The following OOSP4B variants were observed in gnomAD, a reference collection of about 807,000 sequenced individuals.
OOSP4B encodes the protein oocyte secreted protein family member 4B, also known as oocyte-secreted protein 4B.
rs114282858 is a variant in OOSP4B, at chr11:60,029,266, G to A, written c.303-516G>A. ...TGCAGGGAAGGAAAGAGCAGCAGTG[G>A]GAATAAACACTACAACTCCTAAGAT... On this transcript the variant is annotated intron_variant, in intron 3 of 4. Coordinates refer to ENST00000642343, the Ensembl canonical transcript of OOSP4B. Among the ~76,000 whole-genome samples, 241 of 152,276 alleles carry A rather than the reference G, an allele frequency of 1.6e-3. 1 individual carries two copies. The highest frequency in any genetic ancestry group is 5.6e-3 in the African/African-American group (234 of 41,556).
chr11:60,022,386 C>T (rs1854700169), intron 1 of OOSP4B: 2 of 152,178 alleles, frequency 1.3e-5, no homozygotes, highest in Non-Finnish European at 1.5e-5. Flanking sequence ...ACTGTATTTA[C>T]TATCAGTATC....
At chr11:60,029,142 G>A (rs1013265212) in intron 3 of OOSP4B, among the ~76,000 whole-genome samples, 1 of 152,174 alleles carries the variant, frequency 6.6e-6, no homozygotes, top group South Asian at 2.1e-4. Flanking sequence ...TGAGATTTTA[G>A]CCTCCCTTTA....
chr11:60,020,764 A>G (rs897480462), intron 1 of OOSP4B, among the ~76,000 whole-genome samples: 2 of 152,352 alleles, frequency 1.3e-5, no homozygotes, highest in South Asian at 2.1e-4. Context: ...GGCTGCCAGC[A>G]CGCTGTCACC....
rs900871652 is a variant in OOSP4B, at chr11:60,020,254, C to T, written c.22+2841C>T. 2.4e-4 allele frequency among the ~76,000 whole-genome samples: 36 copies of T among 152,214 alleles called. 1 individual carries two copies. The highest frequency in any genetic ancestry group is 4.3e-4 in the Non-Finnish European group (29 of 68,036). ...CTGCCTGCCAGTCCCATGCAGTGTG[C>T]CCGCACTCCTCAGCCCTTGGATGGT... On this transcript the variant is annotated intron_variant, in intron 1 of 4. Transcript: ENST00000642343.
chr11:60,023,154 G>T (rs1046268594), intron 1 of OOSP4B, among the ~76,000 whole-genome samples: 1 of 152,070 alleles, frequency 6.6e-6, no homozygotes, highest in African/African-American at 2.4e-5. Flanking sequence ...TGAATAAATG[G>T]TTGCAAAGAA....
At chr11:60,019,247 C>G (rs1854661078) in intron 1 of OOSP4B, among the ~76,000 whole-genome samples, 1 of 152,022 alleles carries the variant, frequency 6.6e-6, no homozygotes, top group African/African-American at 2.4e-5. Context: ...AAAAAATAAC[C>G]TAGTGCCTGT....
At chr11:60,018,760 A>G (rs557227900) in intron 1 of OOSP4B, among the ~76,000 whole-genome samples, 1 of 152,278 alleles carries the variant, frequency 6.6e-6, no homozygotes, top group East Asian at 1.9e-4. Context: ...TTTCTTTGAG[A>G]TTTCAATGCC....
exon 3 of OOSP4B, chr11:60,024,975 A>C (rs926394706): frequency 2.5e-6 from 1 of 398,280 alleles, no homozygotes; most frequent in African/African-American, 2.1e-5. Flanking sequence ...CATACTACCT[A>C]TGAATTTCCA....
At chr11:60,017,818 G>C (rs1854642108) in intron 1 of OOSP4B, among the ~76,000 whole-genome samples, 1 of 152,118 alleles carries the variant, frequency 6.6e-6, no homozygotes, top group Non-Finnish European at 1.5e-5. Flanking sequence ...TGGGTTTCTG[G>C]GGAGGATTAC....
At chr11:60,020,489 C>CG (rs1163016762) in intron 1 of OOSP4B, among the ~76,000 whole-genome samples, 1 of 152,182 alleles carries the variant, frequency 6.6e-6, no homozygotes, top group Non-Finnish European at 1.5e-5. Flanking sequence ...CGGGTGGGGG[C>CG]GGGGGCCAGC....
Position 60,023,902 on chromosome 11 carries a change from T to C in OOSP4B, c.45T>C (p.Asp15=), listed in dbSNP as rs1409715317. The change falls in exon 2 of 5, where the codon GAT becomes GAC. Residue 15 remains aspartate (D), a synonymous_variant. Coordinates refer to ENST00000642343, the Ensembl canonical transcript of OOSP4B. ...TAGCAATAACTGCAATGTGCTCTGA[T>C]GATTGGTTGTTAGTCAGAATGAAAA... 3 of 398,444 alleles carry C rather than the reference T, an allele frequency of 7.5e-6. No individual in the cohort carries two copies. The Admixed American group carries it at 1.3e-4, about 18-fold the overall frequency. 24.7% of individuals were successfully genotyped at this position (398,444 alleles called of 1,614,324 possible).
intron 3 of OOSP4B, among the ~76,000 whole-genome samples, chr11:60,026,461 C>T (rs1854747153): frequency 6.6e-6 from 1 of 152,148 alleles, no homozygotes; most frequent in Non-Finnish European, 1.5e-5. Context: ...TTTCTCTGGG[C>T]TCTTATTTAT....
At chr11:60,022,322 G>A (rs74662226) in intron 1 of OOSP4B, 71 of 152,276 alleles carry the variant, frequency 4.7e-4, no homozygotes, top group African/African-American at 1.6e-3. Flanking sequence ...GAGGTAAGTG[G>A]ATTGCAGATT....
intron 3 of OOSP4B, 149 bp downstream of exon 3, chr11:60,025,154 A>G: frequency 2.6e-6 from 1 of 391,224 alleles, no homozygotes; most frequent in East Asian, 3.6e-5. Context: ...AAATGTTCAA[A>G]TGTACAGAAT....
chr11:60,029,048 T>C (rs929224862), intron 3 of OOSP4B, among the ~76,000 whole-genome samples: 10 of 152,236 alleles, frequency 6.6e-5, no homozygotes, highest in Non-Finnish European at 1.3e-4. Context: ...GCCTTATCTA[T>C]TCGCAGTCCA....
chr11:60,028,181 T>A (rs185524225), intron 3 of OOSP4B, among the ~76,000 whole-genome samples: 1 of 151,872 alleles, frequency 6.6e-6, no homozygotes, highest in East Asian at 1.9e-4. Flanking sequence ...TTTTTCTTTT[T>A]TTGAGACGGC....
chr11:60,021,305 A>G (rs1244080692), intron 1 of OOSP4B, among the ~76,000 whole-genome samples: 3 of 152,192 alleles, frequency 2.0e-5, no homozygotes, highest in Non-Finnish European at 4.4e-5. Context: ...TGATTTGTGG[A>G]CCAGACTTTG....
intron 3 of OOSP4B, 132 bp downstream of exon 3, chr11:60,025,137 C>T (rs1300085199): frequency 2.5e-6 from 1 of 392,178 alleles, no homozygotes; most frequent in Non-Finnish European, 4.5e-6. Flanking sequence ...TTCTCTAACT[C>T]TAAGGAAAAT....
intron 1 of OOSP4B, among the ~76,000 whole-genome samples, chr11:60,022,583 T>C (rs759158156): frequency 2.6e-5 from 4 of 152,186 alleles, no homozygotes; most frequent in Non-Finnish European, 5.9e-5. Context: ...GCCAAACATT[T>C]TACGGAAGAC....
Sources: allele counts gnomAD v4.1 joint callset (sites outside exome capture counted in the v4.1 genomes callset), GRCh38; gene constraint gnomAD v4.1.1; transcripts MANE v1.5; gene names NCBI Gene and HGNC (gene_info 2026-07-23, HGNC 2026-07-21).